The following PHF24 variants were observed in gnomAD, a reference collection of about 807,000 sequenced individuals.
PHF24 encodes the protein PHD finger protein 24.
Under a neutral mutation model 42.6 loss-of-function variants are expected in PHF24, and 25 were observed. The observed-to-expected ratio is 0.59, with a 90% CI of 0.43 to 0.82. PHF24 has a LOEUF of 0.82. PHF24 is among the 40% of genes least tolerant of loss of function. PHF24 has a pLI of 0.00. For synonymous variants in PHF24, 185 were observed against 204.8 expected (o/e 0.90, Z 0.83); for missense variants, 470 against 538.1 (o/e 0.87, Z 1.25).
the PHF24 span, chr9:34,836,986 C>A: frequency 2.3e-6 from 1 of 438,830 alleles, no homozygotes; most frequent in Admixed American, 2.6e-5. Flanking sequence ...TTTCCATCTC[C>A]TCAGTCCTGC....
the PHF24 span, among the ~76,000 whole-genome samples, chr9:34,875,064 T>C: frequency 6.6e-6 from 1 of 152,196 alleles, no homozygotes; most frequent in African/African-American, 2.4e-5. Flanking sequence ...TATTAATTAA[T>C]TCTATCTTTT....
At chr9:34,976,480 G>A (rs1316894251) in intron 4 of PHF24, 55 bp from the exon 5 acceptor site, 3 of 1,560,888 alleles carry the variant, frequency 1.9e-6, no homozygotes, top group Admixed American at 1.7e-5. Flanking sequence ...AGGTGATGGA[G>A]GTGCCCTGAG....
the PHF24 span, among the ~76,000 whole-genome samples, chr9:34,764,695 T>C: frequency 1.3e-4 from 20 of 152,294 alleles, no homozygotes; most frequent in South Asian, 3.9e-3. Context: ...TGTCTCTATT[T>C]CCTTCAGTTC....
the PHF24 span, among the ~76,000 whole-genome samples, chr9:34,704,664 G>A: frequency 5.3e-5 from 8 of 152,012 alleles, no homozygotes; most frequent in Non-Finnish European, 7.4e-5. Context: ...GTGAGACCTC[G>A]TCTCTACAAA....
At chr9:34,977,221 G>A (rs1195097588) in exon 6 of PHF24, 2 of 1,611,376 alleles carry the variant, frequency 1.2e-6, no homozygotes, top group Non-Finnish European at 1.7e-6. Context: ...ACGGTTCCCA[G>A]AGGCTCCTTC....
chr9:34,922,507 T>A, the PHF24 span: 1 of 1,172,018 alleles, frequency 8.5e-7, no homozygotes, highest in Non-Finnish European at 1.3e-6. Context: ...ACAGTCCCTT[T>A]CTTATCATCA....
the PHF24 span, among the ~76,000 whole-genome samples, chr9:34,839,275 T>G: frequency 6.6e-6 from 1 of 152,258 alleles, no homozygotes; most frequent in East Asian, 1.9e-4. Context: ...GATGGATTAG[T>G]AGCCATTTCT....
At chr9:34,901,064 A>G in the PHF24 span, among the ~76,000 whole-genome samples, 1 of 152,240 alleles carries the variant, frequency 6.6e-6, no homozygotes, top group Non-Finnish European at 1.5e-5. Context: ...CCATTTAAAG[A>G]AATTGCATTT....
chr9:34,946,361 C>T, the PHF24 span, among the ~76,000 whole-genome samples: 2 of 152,108 alleles, frequency 1.3e-5, no homozygotes, highest in African/African-American at 4.8e-5. Context: ...GAAACAGATT[C>T]TTTCTATTCT....
At chr9:34,977,374 G>A in intron 6 of PHF24, 131 bp downstream of exon 6, 1 of 1,264,940 alleles carries the variant, frequency 7.9e-7, no homozygotes, top group Non-Finnish European at 1.1e-6. Flanking sequence ...TTAGGTAGAG[G>A]ATGGTGATGC....
the PHF24 span, chr9:34,665,925 T>G: frequency 1.3e-5 from 7 of 533,152 alleles, no homozygotes; most frequent in Non-Finnish European, 1.7e-5. Context: ...TTGGCGGTCA[T>G]GGGGCTGGGA....
At chr9:34,972,929 A>AT (rs1371937660) in intron 3 of PHF24, among the ~76,000 whole-genome samples, 1 of 151,718 alleles carries the variant, frequency 6.6e-6, no homozygotes, top group Non-Finnish European at 1.5e-5. Context: ...AAAAAAAAAA[A>AT]AAAGATTTTT....
chr9:34,958,078 AC>A (rs1480791249), upstream of PHF24, among the ~76,000 whole-genome samples: 1 of 149,256 alleles, frequency 6.7e-6, no homozygotes, highest in African/African-American at 2.4e-5. The surrounding 1 kb of genome is among the most constrained non-coding windows in gnomAD (Gnocchi z 4.5). Flanking sequence ...GTCGCCGGTC[AC>A]CCGCCGCCCG....
intron 1 of PHF24, among the ~76,000 whole-genome samples, chr9:34,962,782 G>C (rs747327213): frequency 1.3e-5 from 2 of 152,190 alleles, no homozygotes; most frequent in Non-Finnish European, 2.9e-5. Context: ...GCCTCTGTGG[G>C]AAGTCAGCAC....
chr9:34,898,266 G>C, the PHF24 span, among the ~76,000 whole-genome samples: 1 of 152,194 alleles, frequency 6.6e-6, no homozygotes, highest in Non-Finnish European at 1.5e-5. Context: ...TTCCATAGTG[G>C]TTGTACTAGT....
the PHF24 span, among the ~76,000 whole-genome samples, chr9:34,747,535 A>T: frequency 6.6e-6 from 1 of 152,238 alleles, no homozygotes; most frequent in African/African-American, 2.4e-5. Flanking sequence ...TAAATTGCTA[A>T]CAAATGAAAA....
At chr9:34,764,770 T>C in the PHF24 span, among the ~76,000 whole-genome samples, 1 of 152,150 alleles carries the variant, frequency 6.6e-6, no homozygotes, top group African/African-American at 2.4e-5. Context: ...TTGCTTTTTC[T>C]AGTTCTTTTA....
At chr9:34,724,511 G>A in the PHF24 span, 2 of 1,551,336 alleles carry the variant, frequency 1.3e-6, no homozygotes, top group East Asian at 2.4e-5. Context: ...GGACTTCCTT[G>A]CCCTAATGGG....
the PHF24 span, among the ~76,000 whole-genome samples, chr9:34,776,484 T>G: frequency 6.6e-6 from 1 of 152,252 alleles, no homozygotes; most frequent in Admixed American, 6.5e-5. Context: ...ATTGTTAAAG[T>G]GTTTGAATGT....
Sources: gnomAD v4.1 joint callset for allele counts (sites outside exome capture counted in the v4.1 genomes callset) on GRCh38, gnomAD v4.1.1 for gene constraint, Gnocchi (gnomAD v3.1) non-coding constraint, MANE v1.5 for transcripts, NCBI Gene and HGNC (gene_info 2026-07-23, HGNC 2026-07-21) for gene names.